Variants in DHX37 observed in about 807,000 individuals in gnomAD.
The protein encoded by DHX37 is probable ATP-dependent RNA helicase DHX37.
Under a neutral mutation model 134.3 loss-of-function variants are expected in DHX37, and 52 were observed. The observed-to-expected ratio is 0.39, with a 90% CI of 0.31 to 0.49. The LOEUF is 0.49. Among genes scored for constraint, DHX37 ranks in the 20% least tolerant of loss-of-function variants. The probability of loss-of-function intolerance (pLI) is 0.93; values close to 1 mark genes in which losing one functional copy is unlikely to be tolerated. For synonymous variants in DHX37, 634 were observed against 670.7 expected (o/e 0.95, Z 0.85); for missense variants, 1,344 against 1,580.8 (o/e 0.85, Z 2.54).
chr12:124,981,448 AG>A (rs754397753), intron 3 of DHX37, among the ~76,000 whole-genome samples: 3 of 152,148 alleles, frequency 2.0e-5, no homozygotes, highest in Admixed American at 1.3e-4. Context: ...AGTCGAGACT[AG>A]GTGGGAACAT....
Position 124,980,501 on chromosome 12 carries a change from G to C in DHX37, c.727C>G (p.Pro243Ala). 7 of 1,607,726 alleles carry C rather than the reference G, an allele frequency of 4.4e-6. No individual in the cohort carries two copies. Among genetic ancestry groups the C allele is most frequent in the Non-Finnish European group, 5.9e-6 (7 of 1,178,440 alleles). ...ACGGGGTGGCGAACCTGCATTTCCG[G>C]GGAGCGGTTCACGGGGATGAAGACG... ...PAVFIPVNRS[P>A]EMQEERLKLP... The change falls in exon 4 of 27, where the codon CCG (proline) becomes GCG (alanine). Residue 243 changes from proline (P) to alanine (A), a missense_variant. Around this residue, in one of 7 missense-constraint regions of DHX37, gnomAD observed 77 missense variants for 121.6 expected, o/e 0.63. Coordinates refer to ENST00000308736, the MANE Select transcript of DHX37 (RefSeq NM_032656.4). The surrounding 1 kb of genome is among the most constrained non-coding windows in gnomAD (Gnocchi z 5.3).
chr12:124,965,029 T>A, intron 13 of DHX37, 23 bp from the exon 14 acceptor site: 1 of 1,583,590 alleles, frequency 6.3e-7, no homozygotes, highest in Non-Finnish European at 8.6e-7. Flanking sequence ...CAGAGGTCAC[T>A]GGCACCCAGG....
rs1565896363 is a variant in DHX37, at chr12:124,986,275, C to T, written c.107-10G>A. Reference sequence around the variant, plus strand: ...TTCAACGTGTCCTTGTCTGAGAGAGCACAGTTATTAAGTCCCCATTCTCCT... The same window carrying T: ...TTCAACGTGTCCTTGTCTGAGAGAGTACAGTTATTAAGTCCCCATTCTCCT... On this transcript the variant is annotated splice_polypyrimidine_tract_variant and intron_variant, in intron 1 of 26. Transcript: ENST00000308736. The T allele has an allele frequency of 3.1e-6, 5 of 1,612,586 alleles. No individual in the cohort carries two copies. The highest frequency in any genetic ancestry group is 4.2e-6 in the Non-Finnish European group (5 of 1,179,762).
rs937537750 is a variant in DHX37 at position 124,975,574 on chromosome 12, A to G, written c.888-63T>C. ...CCCCACCTGTTCATGCCAAAGCCTC[A>G]TGCAGTTCCACAGCAAGATTTGCCA... On this transcript the variant is annotated intron_variant, in intron 5 of 26. Transcript: ENST00000308736. The G allele has an allele frequency of 8.5e-5, 131 of 1,548,730 alleles. 1 individual carries two copies. The South Asian group carries it at 1.0e-3, about 12-fold the overall frequency.
At chr12:124,961,674 G>A (rs1001148174) in intron 15 of DHX37, among the ~76,000 whole-genome samples, 21 of 152,134 alleles carry the variant, frequency 1.4e-4, no homozygotes, top group African/African-American at 3.9e-4. Context: ...TGATCTGCCC[G>A]CCTCATCCTC....
At chr12:124,977,666 G>C (rs550888332) in intron 4 of DHX37, among the ~76,000 whole-genome samples, 176 bp from the exon 5 acceptor site, 4 of 152,176 alleles carry the variant, frequency 2.6e-5, no homozygotes, top group Non-Finnish European at 4.4e-5. Context: ...CAGAGACAGG[G>C]ATCACATCCT....
chr12:124,956,827 G>T lies in DHX37; in HGVS notation c.2317C>A (p.Arg773=). 1 of 1,609,734 alleles carries T rather than the reference G, an allele frequency of 6.2e-7. No individual in the cohort carries two copies. Among genetic ancestry groups the T allele is most frequent in the Non-Finnish European group, 8.5e-7 (1 of 1,176,910 alleles). ...RLSCPITALG[R]TMATFPVAPR... is the part of the protein sequence containing the mutation. Reference sequence around the variant, plus strand: ...GCCACGGGGAATGTGGCCATTGTCCGGCCCAGCGCAGTGATGGGGCAGCTC... The same window carrying T: ...GCCACGGGGAATGTGGCCATTGTCCTGCCCAGCGCAGTGATGGGGCAGCTC... The change falls in exon 18 of 27, where the codon CGG becomes AGG. Residue 773 remains arginine, a synonymous_variant. Transcript: ENST00000308736.
intron 15 of DHX37, among the ~76,000 whole-genome samples, chr12:124,963,844 C>T (rs1303877627): frequency 3.6e-5 from 5 of 138,662 alleles, no homozygotes; most frequent in African/African-American, 1.1e-4. Context: ...CACGCCACGG[C>T]ACTCCAGCCT....
intron 7 of DHX37, 115 bp downstream of exon 7, chr12:124,972,388 G>T: frequency 1.9e-6 from 2 of 1,034,152 alleles, no homozygotes; most frequent in Non-Finnish European, 1.5e-6. Flanking sequence ...CAGCAGCACC[G>T]TGGGAGTGCT....
In DHX37 at chr12:124,988,900, G is replaced by A. The variant is rs964472612; in HGVS notation, c.106+17C>T. The A allele has an allele frequency of 5.4e-6, 7 of 1,307,754 alleles. No individual in the cohort carries two copies. Among genetic ancestry groups the A allele is most frequent in the African/African-American group, 4.6e-5 (3 of 65,022 alleles). The allele number at this position is 1,307,754 out of a possible 1,614,324, so 81.0% of individuals were successfully genotyped here. The stretch of plus-strand genomic sequence containing the variant: ...GGGAAATCTCCGAAATCCAGCCCCG[G>A]TCCGGGGATGTCTTACCCTCCAGTT... On this transcript the variant is annotated intron_variant, in intron 1 of 26. Transcript: ENST00000308736.
intron 16 of DHX37, among the ~76,000 whole-genome samples, 162 bp from the exon 17 acceptor site, chr12:124,957,297 A>G (rs1954118882): frequency 6.6e-6 from 1 of 152,142 alleles, no homozygotes; most frequent in African/African-American, 2.4e-5. Flanking sequence ...GCCAGGTCCC[A>G]ATGGAACCCC....
intron 22 of DHX37, 65 bp downstream of exon 22, chr12:124,950,621 CAGGG>C (rs1219697914): frequency 3.8e-6 from 6 of 1,570,514 alleles, no homozygotes; most frequent in Non-Finnish European, 5.2e-6. Context: ...GCCTCTGCCC[CAGGG>C]TCCCAGCCAC....
At chr12:124,968,225 T>A (rs549425875) in intron 10 of DHX37, among the ~76,000 whole-genome samples, 1 of 152,210 alleles carries the variant, frequency 6.6e-6, no homozygotes, top group Non-Finnish European at 1.5e-5. Flanking sequence ...CTTGGGGGGA[T>A]GTGCCCGTTC....
At chr12:124,968,494 G>A (rs751011735) in intron 10 of DHX37, 40 bp downstream of exon 10, 1 of 1,605,526 alleles carries the variant, frequency 6.2e-7, no homozygotes, top group Non-Finnish European at 8.5e-7. Flanking sequence ...GAGGGTTTAG[G>A]AAGGGAGGCT....
At chr12:124,961,720 C>T (rs1449611517) in intron 15 of DHX37, among the ~76,000 whole-genome samples, 1 of 152,170 alleles carries the variant, frequency 6.6e-6, no homozygotes, top group African/African-American at 2.4e-5. Context: ...AGCCATGGCG[C>T]CTGGCCTAAA....
chr12:124,971,537 G>T, intron 7 of DHX37, 122 bp from the exon 8 acceptor site: 2 of 1,456,494 alleles, frequency 1.4e-6, no homozygotes, highest in Non-Finnish European at 9.2e-7. Flanking sequence ...TTCATCAGAG[G>T]TGAGCTGCTC....
chr12:124,971,541 G>C (rs1954523412), intron 7 of DHX37, 126 bp from the exon 8 acceptor site: 1 of 1,452,874 alleles, frequency 6.9e-7, no homozygotes. Context: ...TCAGAGGTGA[G>C]CTGCTCAACT....
chr12:124,966,761 T>C (rs1594491257), intron 12 of DHX37, 32 bp downstream of exon 12: 1 of 1,611,304 alleles, frequency 6.2e-7, no homozygotes, highest in Non-Finnish European at 8.5e-7. Context: ...GCAGCCTTAC[T>C]CTCCAGGAGT....
chr12:124,983,893 T>C (rs866034218), intron 2 of DHX37, among the ~76,000 whole-genome samples: 8 of 151,950 alleles, frequency 5.3e-5, no homozygotes, highest in Admixed American at 2.0e-4. Flanking sequence ...TCAAGCCTCC[T>C]GATGTGAAGA....
Sources: allele counts gnomAD v4.1 joint callset (sites outside exome capture counted in the v4.1 genomes callset), GRCh38; gene constraint gnomAD v4.1.1; regional missense constraint gnomAD v4.1.1; non-coding constraint Gnocchi (gnomAD v3.1); transcripts MANE v1.5; gene names NCBI Gene and HGNC (gene_info 2026-07-23, HGNC 2026-07-21).